PZP: variants seen among roughly 807,000 people sequenced by gnomAD.
The protein encoded by PZP is PZP alpha-2-macroglobulin like.
Under a neutral mutation model 179.8 loss-of-function variants are expected in PZP, and 150 were observed. The observed-to-expected ratio is 0.83, with a 90% CI of 0.73 to 0.96. The LOEUF (loss-of-function observed/expected upper bound fraction) is 0.96, where lower values mean the gene tolerates loss of function less well. Ranked by LOEUF, PZP falls within the 40% of genes least tolerant of loss-of-function variation. The pLI, the probability that PZP is intolerant of heterozygous loss-of-function variation, is 0.00. For missense variants in PZP, 1,689 were observed against 1,764.0 expected (o/e 0.96, Z 0.76); for synonymous variants, 624 against 652.3 (o/e 0.96, Z 0.66).
In PZP at chr12:9,181,019, C is replaced by T; in HGVS notation, c.1803G>A (p.Leu601=). 2 of 1,614,050 alleles carry T rather than the reference C, an allele frequency of 1.2e-6. No homozygotes were observed. The highest frequency in any genetic ancestry group is 4.5e-5 in the East Asian group (2 of 44,864). ...AGAGCTCAGCCTCAGGCTTCATGAG[C>T]AGCACACTTTGGTCCACAGCACGAA... ...CALRAVDQSV[L]LMKPEAELSV... The change falls in exon 15 of 36, where the codon CTG becomes CTA. Residue 601 remains leucine, a synonymous_variant. Coordinates refer to ENST00000261336, the MANE Select transcript of PZP (RefSeq NM_002864.3).
intron 20 of PZP, 75 bp from the exon 21 acceptor site, chr12:9,163,864 T>C: frequency 1.3e-6 from 2 of 1,484,988 alleles, no homozygotes; most frequent in South Asian, 2.6e-5. Context: ...CACCTTAAAC[T>C]TATAGTTGTC....
chr12:9,163,326 G>C lies in PZP; in HGVS notation c.2736+342C>G, dbSNP rs568571270. ...AAAAAAAAAAAAAAATTAGCCAGGC[G>C]CCTGTAGTCCCAGCTACTCGGGAGG... On this transcript the variant is annotated intron_variant, in intron 21 of 35. Transcript: ENST00000261336. Among the ~76,000 whole-genome samples the C allele has an allele frequency of 2.8e-4, 42 of 150,214 alleles. 1 individual carries two copies. In the South Asian group the frequency reaches 8.9e-3, roughly 32 times the overall value.
the PZP span, among the ~76,000 whole-genome samples, chr12:9,142,038 C>G: frequency 6.6e-6 from 1 of 152,186 alleles, no homozygotes; most frequent in Non-Finnish European, 1.5e-5. Context: ...CTTACATGGA[C>G]AGTCTCTGAC....
chr12:9,164,296 G>A, intron 19 of PZP, 37 bp from the exon 20 acceptor site: 4 of 1,601,624 alleles, frequency 2.5e-6, no homozygotes, highest in Non-Finnish European at 3.4e-6. Flanking sequence ...GAAATGATCA[G>A]AATATGGAAC....
chr12:9,194,143 AT>A lies in PZP; in HGVS notation c.1187del (p.Asn396MetfsTer38). 1 of 1,614,064 alleles carries A rather than the reference AT, an allele frequency of 6.2e-7. No homozygotes were observed. Among genetic ancestry groups the A allele is most frequent in the East Asian group, 2.2e-5 (1 of 44,862 alleles). Reference protein sequence around the residue: ...DANYYSNATTNEQGLAQFSIN... With the variant: ...DANYYSNATTXEQGLAQFSIN... The stretch of plus-strand genomic sequence containing the variant: ...TTGAAAACTGTGCAAGACCCTGCTC[AT>A]TGGTGGTTGCATTGGAGTAATAATT... On this transcript the variant is annotated frameshift_variant, in exon 11 of 36. Coordinates refer to ENST00000261336, the MANE Select transcript of PZP (RefSeq NM_002864.3). LOFTEE classifies it high-confidence loss of function.
chr12:9,164,036 T>C, intron 20 of PZP, 97 bp downstream of exon 20: 1 of 1,437,890 alleles, frequency 7.0e-7, no homozygotes, highest in Non-Finnish European at 9.5e-7. Context: ...TATAGAATTA[T>C]ATCTATGGCA....
At chr12:9,157,146 G>A (rs1005831863) in intron 28 of PZP, 29 bp downstream of exon 28, 11 of 1,598,738 alleles carry the variant, frequency 6.9e-6, no homozygotes, top group Non-Finnish European at 8.5e-6. Flanking sequence ...TGTTCTCATT[G>A]TTCAGCTCCC....
the PZP span, among the ~76,000 whole-genome samples, chr12:9,138,808 T>C: frequency 6.6e-6 from 1 of 152,108 alleles, no homozygotes; most frequent in Non-Finnish European, 1.5e-5. Flanking sequence ...TTTTTATTTC[T>C]AAAAGAGCAG....
At chr12:9,205,111 G>A (rs1944382851) in intron 1 of PZP, among the ~76,000 whole-genome samples, 1 of 151,934 alleles carries the variant, frequency 6.6e-6, no homozygotes, top group Admixed American at 6.6e-5. Context: ...ACAAAACAAA[G>A]TTTATATGAG....
At chr12:9,186,916 G>A (rs1943159411) in intron 13 of PZP, among the ~76,000 whole-genome samples, 1 of 151,768 alleles carries the variant, frequency 6.6e-6, no homozygotes, top group Admixed American at 6.6e-5. Context: ...AGGCTGATGG[G>A]TGCAGCAAAC....
intron 13 of PZP, 69 bp downstream of exon 13, chr12:9,192,124 G>A: frequency 1.5e-6 from 2 of 1,322,932 alleles, no homozygotes; most frequent in Non-Finnish European, 2.2e-6. Flanking sequence ...TCCCATTTAT[G>A]AACTGTCACC....
chr12:9,168,863 T>C lies in PZP; in HGVS notation c.2107+6A>G. ...AAATAAAATTAAAAGCAAATTGCTG[T>C]TTTACCTCCATAGTATCCTTGACCT... On this transcript the variant is annotated splice_donor_region_variant and intron_variant, in intron 17 of 35. Coordinates refer to ENST00000261336, the MANE Select transcript of PZP (RefSeq NM_002864.3). The C allele has an allele frequency of 6.2e-7, 1 of 1,603,110 alleles. No homozygotes were observed. Among genetic ancestry groups the C allele is most frequent in the Non-Finnish European group, 8.5e-7 (1 of 1,171,346 alleles).
In PZP at chr12:9,154,710, G is replaced by A. The variant is rs1214552788; in HGVS notation, c.3680C>T (p.Pro1227Leu). 6.2e-7 allele frequency: 1 copy of A among 1,614,140 alleles called. No homozygotes were observed. Among genetic ancestry groups the A allele is most frequent in the South Asian group, 1.1e-5 (1 of 91,066 alleles). ...YVLLAYLTAQ[P>L]APTSGDLTSA... ...GGTCAGGTCCCCTGAGGTGGGGGCT[G>A]GCTGGGCCGTGAGATAAGCGAGGAG... The change falls in exon 29 of 36, where the codon CCA (proline) becomes CTA (leucine). Residue 1227 changes from proline (P) to leucine (L), a missense_variant. Around this residue, in one of 3 missense-constraint regions of PZP, gnomAD observed 746 missense variants for 749.2 expected, o/e 1.00. Transcript: ENST00000261336.
At chr12:9,186,964 C>T (rs937933491) in intron 13 of PZP, among the ~76,000 whole-genome samples, 8 of 149,854 alleles carry the variant, frequency 5.3e-5, no homozygotes, top group Non-Finnish European at 8.9e-5. Flanking sequence ...CAAACCTGCA[C>T]GTTCTGCCCA....
chr12:9,168,978 G>GA lies in PZP; in HGVS notation c.2002-5dup, dbSNP rs1161866466. On this transcript the variant is annotated splice_region_variant and splice_polypyrimidine_tract_variant and intron_variant, in intron 16 of 35. Transcript: ENST00000261336. ...TGAACACCTTCAATCCCATCCCCTG[G>GA]AAAAAAATAATTGTTCAATCTACTT... 8 of 1,603,856 alleles carry GA rather than the reference G, an allele frequency of 5.0e-6. No homozygotes were observed. Among genetic ancestry groups the GA allele is most frequent in the East Asian group, 4.5e-5 (2 of 44,820 alleles).
intron 15 of PZP, among the ~76,000 whole-genome samples, chr12:9,171,114 G>C (rs961496171): frequency 2.0e-5 from 3 of 152,322 alleles, no homozygotes; most frequent in Admixed American, 2.0e-4. Context: ...CAACAAGTTA[G>C]TACCCCCACA....
At chr12:9,178,324 T>C (rs748552157) in intron 15 of PZP, among the ~76,000 whole-genome samples, 27 of 152,352 alleles carry the variant, frequency 1.8e-4, no homozygotes, top group Admixed American at 8.5e-4. Flanking sequence ...ATCCACACTG[T>C]AGCCACTCCC....
intron 11 of PZP, among the ~76,000 whole-genome samples, chr12:9,193,693 C>T (rs1943583854): frequency 6.6e-6 from 1 of 152,118 alleles, no homozygotes; most frequent in Non-Finnish European, 1.5e-5. Flanking sequence ...ATCTTTTGAT[C>T]ATCGTCATTA....
intron 31 of PZP, 106 bp from the exon 32 acceptor site, chr12:9,152,416 C>A: frequency 1.2e-6 from 1 of 814,826 alleles, no homozygotes; most frequent in East Asian, 2.6e-5. Flanking sequence ...GAAGTTGTCC[C>A]TAATATTCTA....
Sources: gnomAD v4.1 joint callset for allele counts (sites outside exome capture counted in the v4.1 genomes callset) on GRCh38, gnomAD v4.1.1 for gene constraint, gnomAD v4.1.1 regional missense constraint, MANE v1.5 for transcripts, NCBI Gene and HGNC (gene_info 2026-07-23, HGNC 2026-07-21) for gene names.